HSD11B2: variants seen among roughly 807,000 people sequenced by gnomAD.
HSD11B2 encodes 11-beta-hydroxysteroid dehydrogenase type 2.
In HSD11B2, 17 loss-of-function variants were observed where a neutral mutation model predicts 20.9. That is an observed-to-expected ratio of 0.81 (90% CI 0.56 to 1.22). The LOEUF (loss-of-function observed/expected upper bound fraction) is 1.22, where lower values mean the gene tolerates loss of function less well. Among genes scored for constraint, HSD11B2 ranks in the 50% most tolerant of loss-of-function variants. The pLI, the probability that HSD11B2 is intolerant of heterozygous loss-of-function variation, is 0.00. For synonymous variants in HSD11B2, 253 were observed against 255.4 expected (o/e 0.99, Z 0.09); for missense variants, 480 against 563.6 (o/e 0.85, Z 1.50).
Position 67,437,388 on chromosome 16 carries a change from C to T in HSD11B2, c.*385C>T, listed in dbSNP as rs1391859805. The T allele has an allele frequency of 1.9e-5, 6 of 311,020 alleles. No individual in the cohort carries two copies. Among genetic ancestry groups the T allele is most frequent in the Non-Finnish European group, 3.0e-5 (5 of 165,216 alleles). 19.3% of individuals were successfully genotyped at this position (311,020 alleles called of 1,614,324 possible). On this transcript the variant is annotated 3_prime_UTR_variant, in exon 5 of 5. Transcript: ENST00000326152. ...TGGGGACCCCCTCAGGATTGTTTCT[C>T]GGCACCAGTGCCTCAGTGCTGCAAT...
rs1390711166 is a variant in HSD11B2, at chr16:67,436,576, C to G, written c.803-12C>G. On this transcript the variant is annotated splice_polypyrimidine_tract_variant and intron_variant, in intron 4 of 4. Coordinates refer to ENST00000326152, the MANE Select transcript of HSD11B2 (RefSeq NM_000196.4). This position sits in a 1 kb window ranked among gnomAD's most constrained non-coding sequence, Gnocchi z 5.7. ...AGCTGATCCCACTCTGACCTTGCCA[C>G]TCCTTCCCCAGAGTCAGTGAGAAAC... is the stretch of plus-strand genomic sequence containing the variant. The G allele has an allele frequency of 1.2e-6, 2 of 1,613,802 alleles. No individual in the cohort carries two copies. Among genetic ancestry groups the G allele is most frequent in the African/African-American group, 1.3e-5 (1 of 74,938 alleles).
intron 1 of HSD11B2, among the ~76,000 whole-genome samples, chr16:67,433,661 C>T (rs1052372272): frequency 3.3e-5 from 5 of 150,902 alleles, no homozygotes; most frequent in African/African-American, 1.2e-4. Flanking sequence ...GGGACCCGGA[C>T]AAGTGCACAT....
chr16:67,436,821 C>T lies in HSD11B2; in HGVS notation c.1036C>T (p.Leu346Phe). The T allele has an allele frequency of 6.2e-7, 1 of 1,613,790 alleles. No homozygotes were observed. Among genetic ancestry groups the T allele is most frequent in the African/African-American group, 1.3e-5 (1 of 75,058 alleles). ...RRYYPGQGLG[L>F]MYFIHYYLPE... ...CTATTACCCCGGCCAGGGCCTGGGGCTCATGTACTTCATCCACTACTACCT... is the reference window on the plus strand; with the variant it reads ...CTATTACCCCGGCCAGGGCCTGGGGTTCATGTACTTCATCCACTACTACCT... Residue 346 changes from leucine to phenylalanine, a missense_variant, in exon 5 of 5, where the codon CTC becomes TTC. Leu to Phe is a conservative substitution (Grantham distance 22, BLOSUM62 0). This residue lies in a region of HSD11B2 where 374 missense variants were observed against 480.9 expected (regional missense o/e 0.78). Coordinates refer to ENST00000326152, the MANE Select transcript of HSD11B2 (RefSeq NM_000196.4). This position sits in a 1 kb window ranked among gnomAD's most constrained non-coding sequence, Gnocchi z 5.7.
Position 67,437,124 on chromosome 16 carries a change from C to A in HSD11B2, c.*121C>A. ...GTCCTGGACCCTGGCCTAAAGAATC[C>A]CACCCCCACTTCATGCCCACTGCCG... On this transcript the variant is annotated 3_prime_UTR_variant, in exon 5 of 5. Coordinates refer to ENST00000326152, the MANE Select transcript of HSD11B2 (RefSeq NM_000196.4). 1 of 1,088,394 alleles carries A rather than the reference C, an allele frequency of 9.2e-7. No individual in the cohort carries two copies. Among genetic ancestry groups the A allele is most frequent in the Non-Finnish European group, 1.3e-6 (1 of 761,852 alleles). The allele number at this position is 1,088,394 out of a possible 1,614,324, so 67.4% of individuals were successfully genotyped here. A position where few individuals can be genotyped will look rare whatever the true frequency, so the allele number is the denominator to read the frequency against.
chr16:67,431,737 T>G (rs1366143959), intron 1 of HSD11B2, among the ~76,000 whole-genome samples: 6 of 151,936 alleles, frequency 3.9e-5, no homozygotes, highest in African/African-American at 1.5e-4. Context: ...GGAGGGAAAG[T>G]GAGACAGGGA....
chr16:67,434,803 C>T (rs1382222472), intron 1 of HSD11B2, among the ~76,000 whole-genome samples: 1 of 152,150 alleles, frequency 6.6e-6, no homozygotes, highest in African/African-American at 2.4e-5. Flanking sequence ...CCGAGGCAGG[C>T]AGATCACGAG....
Position 67,436,515 on chromosome 16 carries a change from G to A in HSD11B2, c.803-73G>A, listed in dbSNP as rs183834133. 234 of 1,583,924 alleles carry A rather than the reference G, an allele frequency of 1.5e-4. 1 individual carries two copies. The East Asian group carries it at 4.2e-3, about 28-fold the overall frequency. Reference sequence around the variant, plus strand: ...GTGTAGTTTTGGCTGCAGACCTGGCGCGGGTTAAACAGTCCTAATTGGCTT... The same window carrying A: ...GTGTAGTTTTGGCTGCAGACCTGGCACGGGTTAAACAGTCCTAATTGGCTT... On this transcript the variant is annotated intron_variant, in intron 4 of 4. Transcript: ENST00000326152. The surrounding 1 kb of genome is among the most constrained non-coding windows in gnomAD (Gnocchi z 5.7).
upstream of HSD11B2, among the ~76,000 whole-genome samples, chr16:67,429,924 T>C (rs1277311806): frequency 6.6e-6 from 1 of 152,000 alleles, no homozygotes; most frequent in Admixed American, 6.5e-5. Flanking sequence ...GGCTAGGAAG[T>C]GTGACAGGGA....
Position 67,435,705 on chromosome 16 carries a change from G to C in HSD11B2, c.343G>C (p.Glu115Gln), listed in dbSNP as rs200837892. ...MGFTVLATVL[E>Q]LNSPGAIELR... ...CTTCACGGTGCTGGCCACCGTATTG[G>C]AGTTGAACAGCCCCGGTGCCATCGA... Residue 115 changes from glutamate to glutamine, a missense_variant, in exon 2 of 5, where the codon GAG becomes CAG. Coordinates refer to ENST00000326152, the MANE Select transcript of HSD11B2 (RefSeq NM_000196.4). The C allele has an allele frequency of 6.2e-7, 1 of 1,613,886 alleles. No homozygotes were observed. The highest frequency in any genetic ancestry group is 1.7e-5 in the Admixed American group (1 of 59,994).
rs1355015569 is a variant in HSD11B2 at position 67,431,347 on chromosome 16, G to A, written c.99G>A (p.Pro33=). ...GCTCAGACCTGCGTCTGGGCCGCCC[G>A]CTGCTGGCGGCGCTGGCGCTGCTGG... The part of the protein sequence containing the change: ...LLRSDLRLGR[P]LLAALALLAA... The change falls in exon 1 of 5, where the codon CCG becomes CCA. Residue 33 remains proline (P), a synonymous_variant. Coordinates refer to ENST00000326152, the MANE Select transcript of HSD11B2 (RefSeq NM_000196.4). The A allele has an allele frequency of 5.6e-5, 70 of 1,239,156 alleles. 1 individual carries two copies. The highest frequency in any genetic ancestry group is 7.0e-5 in the Non-Finnish European group (69 of 981,824). The allele number at this position is 1,239,156 out of a possible 1,614,324, so 76.8% of individuals were successfully genotyped here.
upstream of HSD11B2, among the ~76,000 whole-genome samples, chr16:67,429,908 C>G (rs772458491): frequency 1.1e-4 from 17 of 152,122 alleles, no homozygotes; most frequent in Admixed American, 2.0e-4. Flanking sequence ...AGAGAATGAG[C>G]AACAGGGCTA....
intron 1 of HSD11B2, among the ~76,000 whole-genome samples, chr16:67,432,382 G>A (rs1389598154): frequency 6.6e-6 from 1 of 152,196 alleles, no homozygotes; most frequent in African/African-American, 2.4e-5. Flanking sequence ...CTTTGGACAG[G>A]TGCTCCAGGC....
chr16:67,435,501 G>C (rs990981037), intron 1 of HSD11B2, 127 bp from the exon 2 acceptor site: 4 of 749,272 alleles, frequency 5.3e-6, no homozygotes, highest in Non-Finnish European at 9.5e-6. Context: ...GAAGGAGTTA[G>C]GGTTGTTGAC....
intron 1 of HSD11B2, among the ~76,000 whole-genome samples, chr16:67,431,883 A>T (rs1392126968): frequency 6.6e-6 from 1 of 152,030 alleles, no homozygotes; most frequent in Admixed American, 6.6e-5. Context: ...GAGGATCGTT[A>T]CCCCTTGAAC....
chr16:67,430,179 A>G (rs1270649251), upstream of HSD11B2, among the ~76,000 whole-genome samples: 1 of 151,940 alleles, frequency 6.6e-6, no homozygotes, highest in African/African-American at 2.4e-5. This position sits in a 1 kb window ranked among gnomAD's most constrained non-coding sequence, Gnocchi z 5.4. Context: ...AAGCATGGAG[A>G]CCTTCACACA....
At chr16:67,430,478 C>G (rs935914397), upstream of HSD11B2, among the ~76,000 whole-genome samples, 1 of 152,232 alleles carries the variant, frequency 6.6e-6, no homozygotes, top group Non-Finnish European at 1.5e-5. The surrounding 1 kb of genome is among the most constrained non-coding windows in gnomAD (Gnocchi z 5.4). Flanking sequence ...GGCAGAGACT[C>G]CAAGAACCGG....
At position 67,432,265 on chromosome 16, in the gene HSD11B2, G is replaced by T. The variant is rs927560507; in HGVS notation, c.265+752G>T. 4.6e-5 allele frequency among the ~76,000 whole-genome samples: 7 copies of T among 152,216 alleles called. No homozygotes were observed. The East Asian group carries it at 7.7e-4, about 17-fold the overall frequency. On this transcript the variant is annotated intron_variant, in intron 1 of 4. Transcript: ENST00000326152. ...CCAGAGGGAGGGAAGGGGAAGGGGG[G>T]GGGGGGCTGGAGGCCCGCCGGAAGT...
chr16:67,432,403 C>T (rs1032777074), intron 1 of HSD11B2, among the ~76,000 whole-genome samples: 1 of 152,148 alleles, frequency 6.6e-6, no homozygotes, highest in African/African-American at 2.4e-5. Context: ...TTTGTCCTTG[C>T]GCTGGGCCTT....
rs766809317 is a variant in HSD11B2, at chr16:67,437,112, G to A, written c.*109G>A. On this transcript the variant is annotated 3_prime_UTR_variant, in exon 5 of 5. Transcript: ENST00000326152. ...GATCCCCCAAGTGTCCTGGACCCTG[G>A]CCTAAAGAATCCCACCCCCACTTCA... The A allele has an allele frequency of 6.6e-6, 8 of 1,210,822 alleles. No individual in the cohort carries two copies. The highest frequency in any genetic ancestry group is 9.2e-6 in the Non-Finnish European group (8 of 869,184). The allele number at this position is 1,210,822 out of a possible 1,614,324, so 75.0% of individuals were successfully genotyped here. A position where few individuals can be genotyped will look rare whatever the true frequency, so the allele number is the denominator to read the frequency against.
Sources: gnomAD v4.1 joint callset for allele counts (sites outside exome capture counted in the v4.1 genomes callset) on GRCh38, gnomAD v4.1.1 for gene constraint, gnomAD v4.1.1 regional missense constraint, Gnocchi (gnomAD v3.1) non-coding constraint, MANE v1.5 for transcripts, NCBI Gene and HGNC (gene_info 2026-07-23, HGNC 2026-07-21) for gene names.